The following TAFA2 variants were observed in gnomAD, a reference collection of about 807,000 sequenced individuals.
TAFA2 encodes TAFA chemokine like family member 2.
TAFA2 carries 7 observed loss-of-function variants against 18.8 expected under a neutral mutation model. The ratio of observed to expected loss-of-function variants is 0.37; its 90% confidence interval spans 0.21 to 0.70. The LOEUF (loss-of-function observed/expected upper bound fraction) is 0.70, where lower values mean the gene tolerates loss of function less well. Ranked by LOEUF, TAFA2 falls within the 30% of genes least tolerant of loss-of-function variation. The probability of loss-of-function intolerance (pLI) is 0.53; values close to 1 mark genes in which losing one functional copy is unlikely to be tolerated. For synonymous variants in TAFA2, 60 were observed against 54.2 expected, an observed-to-expected ratio of 1.11 and a Z score of -0.47; for missense variants, 122 against 158.1, an observed-to-expected ratio of 0.77 and a Z score of 1.23.
intron 1 of TAFA2, among the ~76,000 whole-genome samples, chr12:62,085,970 C>A (rs540475245): frequency 1.3e-5 from 2 of 152,060 alleles, no homozygotes; most frequent in Non-Finnish European, 2.9e-5. Flanking sequence ...CTTTCTCTTT[C>A]TCTCCTGCCA....
chr12:61,936,957 A>G (rs1413456085), intron 1 of TAFA2, among the ~76,000 whole-genome samples: 2 of 152,180 alleles, frequency 1.3e-5, no homozygotes, highest in African/African-American at 4.8e-5. Flanking sequence ...TTAATAAACA[A>G]TGTCTCAGGT....
chr12:61,955,641 A>G (rs1392573356), intron 1 of TAFA2, among the ~76,000 whole-genome samples: 1 of 22,840 alleles, frequency 4.4e-5, no homozygotes, highest in African/African-American at 7.1e-5. Flanking sequence ...AAATATATAT[A>G]TATATATATA....
chr12:61,970,066 A>T (rs1879195761), intron 1 of TAFA2, among the ~76,000 whole-genome samples: 1 of 151,608 alleles, frequency 6.6e-6, no homozygotes, highest in Non-Finnish European at 1.5e-5. Context: ...AACTCTGAGG[A>T]TATTTTTACC....
intron 1 of TAFA2, among the ~76,000 whole-genome samples, chr12:62,200,141 A>G (rs2062665086): frequency 6.6e-6 from 1 of 152,126 alleles, no homozygotes; most frequent in South Asian, 2.1e-4. Flanking sequence ...AGTTCCTTGT[A>G]GATTCTGGAT....
intron 2 of TAFA2, among the ~76,000 whole-genome samples, chr12:61,837,330 C>A (rs564206497): frequency 1.2e-4 from 18 of 151,964 alleles, no homozygotes; most frequent in African/African-American, 4.1e-4. Context: ...ATATGCGATT[C>A]CTTCTCCACT....
chr12:61,928,332 A>G (rs1877397432), intron 1 of TAFA2, among the ~76,000 whole-genome samples: 1 of 152,190 alleles, frequency 6.6e-6, no homozygotes. Context: ...ACAAATAAAC[A>G]ACCCTATCAA....
chr12:62,197,169 C>T (rs2062652449), upstream of TAFA2, among the ~76,000 whole-genome samples: 1 of 152,140 alleles, frequency 6.6e-6, no homozygotes, highest in Non-Finnish European at 1.5e-5. Flanking sequence ...CGAAATTATC[C>T]CCCACCAACT....
intron 2 of TAFA2, among the ~76,000 whole-genome samples, chr12:61,839,351 A>G (rs536971171): frequency 2.6e-5 from 4 of 152,122 alleles, no homozygotes; most frequent in Non-Finnish European, 5.9e-5. Context: ...GAGTTCTCCA[A>G]GAACTAAAAA....
intron 1 of TAFA2, among the ~76,000 whole-genome samples, chr12:61,882,750 C>G (rs1449903663): frequency 2.0e-5 from 3 of 152,016 alleles, no homozygotes; most frequent in Non-Finnish European, 4.4e-5. Context: ...TATATTCTAC[C>G]TACTACATAA....
intron 1 of TAFA2, among the ~76,000 whole-genome samples, chr12:62,237,841 G>A (rs977826891): frequency 2.0e-5 from 3 of 152,158 alleles, no homozygotes; most frequent in Non-Finnish European, 2.9e-5. Context: ...GGTCCCAAAG[G>A]GGATACCCTG....
chr12:62,063,409 T>C (rs987936934), intron 1 of TAFA2, among the ~76,000 whole-genome samples: 2 of 152,188 alleles, frequency 1.3e-5, no homozygotes, highest in African/African-American at 4.8e-5. Context: ...ATCAAATTCT[T>C]ATTCATTTAT....
At chr12:62,029,610 T>A (rs1476017030) in intron 1 of TAFA2, among the ~76,000 whole-genome samples, 3 of 54,138 alleles carry the variant, frequency 5.5e-5, no homozygotes, top group African/African-American at 2.2e-4. Context: ...CAATTACTTT[T>A]TTAAAAAAGC....
intron 1 of TAFA2, among the ~76,000 whole-genome samples, chr12:62,087,628 T>C (rs1005146938): frequency 1.3e-5 from 2 of 152,124 alleles, no homozygotes; most frequent in African/African-American, 4.8e-5. Flanking sequence ...AGGGATGACC[T>C]ACAAGGGATA....
intron 2 of TAFA2, among the ~76,000 whole-genome samples, chr12:61,791,908 T>C (rs959415226): frequency 2.0e-5 from 3 of 151,692 alleles, no homozygotes; most frequent in Non-Finnish European, 4.4e-5. Context: ...TGAAGAGATA[T>C]CTGCACCACA....
chr12:61,967,408 T>C (rs1186431804), intron 1 of TAFA2, among the ~76,000 whole-genome samples: 1 of 151,732 alleles, frequency 6.6e-6, no homozygotes. Flanking sequence ...ATGTAATGGG[T>C]AAGTTAAAGA....
intron 2 of TAFA2, among the ~76,000 whole-genome samples, chr12:61,854,085 G>A (rs1873788438): frequency 6.6e-6 from 1 of 152,096 alleles, no homozygotes; most frequent in Non-Finnish European, 1.5e-5. Flanking sequence ...AGACAGTTTG[G>A]AATTATCAAT....
At chr12:62,085,988 A>G (rs1328449183) in intron 1 of TAFA2, among the ~76,000 whole-genome samples, 1 of 152,084 alleles carries the variant, frequency 6.6e-6, no homozygotes. Context: ...CCACCATGTG[A>G]AGAAGTTTCT....
intron 1 of TAFA2, chr12:62,140,184 G>A (rs2062228015): frequency 6.6e-6 from 1 of 152,256 alleles, no homozygotes; most frequent in African/African-American, 2.4e-5. Flanking sequence ...TTAGTTGTGG[G>A]ATTAAATTTT....
chr12:61,759,031 CT>C (rs1869411566), intron 2 of TAFA2, among the ~76,000 whole-genome samples: 1 of 151,992 alleles, frequency 6.6e-6, no homozygotes, highest in African/African-American at 2.4e-5. Flanking sequence ...TGAGTTTCCC[CT>C]GATCTCTCCT....
Sources: allele counts gnomAD v4.1 joint callset (sites outside exome capture counted in the v4.1 genomes callset), GRCh38; gene constraint gnomAD v4.1.1; transcripts MANE v1.5; gene names NCBI Gene and HGNC (gene_info 2026-07-23, HGNC 2026-07-21).